Variants in BTNL9 observed in about 807,000 individuals in gnomAD.
BTNL9 encodes the protein butyrophilin like 9.
Under a neutral mutation model 45.8 loss-of-function variants are expected in BTNL9, and 45 were observed. The observed-to-expected ratio is 0.98, with a 90% CI of 0.77 to 1.26. BTNL9 has a LOEUF of 1.26. BTNL9 is among the 50% of genes most tolerant of loss of function. The pLI, the probability that BTNL9 is intolerant of heterozygous loss-of-function variation, is 0.00. For synonymous variants in BTNL9, 346 were observed against 330.8 expected, an observed-to-expected ratio of 1.05 and a Z score of -0.50; for missense variants, 784 against 729.7, an observed-to-expected ratio of 1.07 and a Z score of -0.86.
chr5:181,056,739 G>T, intron 9 of BTNL9: 1 of 622,302 alleles, frequency 1.6e-6, no homozygotes. Flanking sequence ...CAGGAAGGCA[G>T]TGTCGTTATC....
rs967775115 is a variant in BTNL9 at position 181,050,305 on chromosome 5, T to C, written c.672T>C (p.Asn224=). The C allele has an allele frequency of 1.2e-6, 2 of 1,614,116 alleles. No individual in the cohort carries two copies. Among genetic ancestry groups the C allele is most frequent in the East Asian group, 2.2e-5 (1 of 44,882 alleles). Residue 224 remains asparagine, a synonymous_variant, in exon 4 of 11, where the codon AAT becomes AAC. Transcript: ENST00000327705. The surrounding 1 kb of genome is among the most constrained non-coding windows in gnomAD (Gnocchi z 4.9). ...TTGTCCGAGCGGGAGCCCTCAGCAATGTGTCCGTCTCCATCCAGAATCTCC... is the reference window on the plus strand; with the variant it reads ...TTGTCCGAGCGGGAGCCCTCAGCAACGTGTCCGTCTCCATCCAGAATCTCC... ...SVVVRAGALS[N]VSVSIQNLLL...
Position 181,045,455 on chromosome 5 carries a change from G to C in BTNL9, c.-23-12G>C. On this transcript the variant is annotated splice_polypyrimidine_tract_variant and intron_variant, in intron 1 of 10. Transcript: ENST00000327705. ...TTGCACGTCGCTCCAGCACCCCTTT[G>C]TCCCTCTCCAGGTGGCCCCCACTGC... 2 of 1,429,406 alleles carry C rather than the reference G, an allele frequency of 1.4e-6. No homozygotes were observed. The highest frequency in any genetic ancestry group is 2.0e-6 in the Non-Finnish European group (2 of 1,012,218). The allele number at this position is 1,429,406 out of a possible 1,614,324, so 88.5% of individuals were successfully genotyped here.
Position 181,053,264 on chromosome 5 carries a change from G to C in BTNL9, c.801G>C (p.Leu267Phe), listed in dbSNP as rs2113225191. ...TCGTCGCGACCCTGCCGCTGCTGTT[G>C]GTCCTCGCGGCGCTGGCGCTGGGCG... Reference protein sequence around the residue: ...SAFVATLPLLLVLAALALGVL... With the variant: ...SAFVATLPLLFVLAALALGVL... Residue 267 changes from leucine (L) to phenylalanine (F), a missense_variant, in exon 5 of 11, where the codon TTG becomes TTC. Transcript: ENST00000327705. This position sits in a 1 kb window ranked among gnomAD's most constrained non-coding sequence, Gnocchi z 6.5. The C allele has an allele frequency of 6.3e-7, 1 of 1,588,466 alleles. No homozygotes were observed. Among genetic ancestry groups the C allele is most frequent in the East Asian group, 2.4e-5 (1 of 41,984 alleles).
Position 181,053,916 on chromosome 5 carries a change from G to A in BTNL9, c.887-323G>A. On this transcript the variant is annotated intron_variant, in intron 6 of 10. Coordinates refer to ENST00000327705, the MANE Select transcript of BTNL9 (RefSeq NM_152547.5). This position sits in a 1 kb window ranked among gnomAD's most constrained non-coding sequence, Gnocchi z 6.5. ...GCGGCGGTCAGGCACCGAGAAAACAGCCCAGTTACGTGAGGCAGTGTCCGG... is the reference window on the plus strand; with the variant it reads ...GCGGCGGTCAGGCACCGAGAAAACAACCCAGTTACGTGAGGCAGTGTCCGG... 3 of 1,511,302 alleles carry A rather than the reference G, an allele frequency of 2.0e-6. 1 individual carries two copies. In the South Asian group the frequency reaches 3.6e-5, roughly 18 times the overall value. 93.6% of individuals were successfully genotyped at this position (1,511,302 alleles called of 1,614,324 possible).
At chr5:181,048,813 AT>A (rs763544541) in intron 3 of BTNL9, among the ~76,000 whole-genome samples, 10 of 34,928 alleles carry the variant, frequency 2.9e-4, no homozygotes, top group Non-Finnish European at 4.5e-4. Flanking sequence ...ATATAATTAT[AT>A]TAGTTATATA....
chr5:181,059,891 C>CGG lies in BTNL9; in HGVS notation c.*34_*35dup, dbSNP rs33927456. 18 of 1,476,704 alleles carry CGG rather than the reference C, an allele frequency of 1.2e-5. No homozygotes were observed. The highest frequency in any genetic ancestry group is 1.4e-5 in the Non-Finnish European group (16 of 1,112,308). The allele number at this position is 1,476,704 out of a possible 1,614,324, so 91.5% of individuals were successfully genotyped here. ...GCCCTCGTGGCCGCGGGACTGGCCC[C>CGG]GGGGGGCCCCCTGGATCCCAGGCCA... On this transcript the variant is annotated 3_prime_UTR_variant, in exon 11 of 11. Coordinates refer to ENST00000327705, the MANE Select transcript of BTNL9 (RefSeq NM_152547.5).
At chr5:181,044,169 T>C (rs1485753358) in intron 1 of BTNL9, among the ~76,000 whole-genome samples, 3 of 152,172 alleles carry the variant, frequency 2.0e-5, no homozygotes, top group Non-Finnish European at 4.4e-5. Context: ...CTGGGGAGCC[T>C]CTACCACCTC....
rs1447202993 is a variant in BTNL9 at position 181,042,880 on chromosome 5, G to A, written c.-24+2448G>A. Among the ~76,000 whole-genome samples the A allele has an allele frequency of 6.6e-6, 1 of 152,062 alleles. No homozygotes were observed. Among genetic ancestry groups the A allele is most frequent in the Non-Finnish European group, 1.5e-5 (1 of 68,016 alleles). ...TCTGTGGCCAGCTGGTTCCTGAGAC[G>A]GTCATGGTTTTGGGTAACAGGAGTG... On this transcript the variant is annotated intron_variant, in intron 1 of 10. Coordinates refer to ENST00000327705, the MANE Select transcript of BTNL9 (RefSeq NM_152547.5). The surrounding 1 kb of genome is among the most constrained non-coding windows in gnomAD (Gnocchi z 4.5).
At chr5:181,058,269 CAT>C (rs1761983798) in intron 9 of BTNL9, 81 bp from the exon 10 acceptor site, 1 of 1,502,030 alleles carries the variant, frequency 6.7e-7, no homozygotes, top group Non-Finnish European at 9.3e-7. Flanking sequence ...ATGCATCCCT[CAT>C]ACATCTGGAG....
At position 181,055,015 on chromosome 5, in the gene BTNL9, G is replaced by A; in HGVS notation, c.908-418G>A. 1 of 985,466 alleles carries A rather than the reference G, an allele frequency of 1.0e-6. No individual in the cohort carries two copies. Among genetic ancestry groups the A allele is most frequent in the Non-Finnish European group, 1.2e-6 (1 of 829,944 alleles). The allele number at this position is 985,466 out of a possible 1,614,324, so 61.0% of individuals were successfully genotyped here. The stretch of plus-strand genomic sequence containing the variant: ...GGTAATTATTTGGGGAAATAATTGG[G>A]TGTGATGTCCTTCCAGTCCTTCAGA... On this transcript the variant is annotated intron_variant, in intron 7 of 10. Transcript: ENST00000327705. This position sits in a 1 kb window ranked among gnomAD's most constrained non-coding sequence, Gnocchi z 4.4.
In BTNL9 at chr5:181,059,532, C is replaced by T. The variant is rs750335354; in HGVS notation, c.1278C>T (p.Asn426=). 17 of 1,607,092 alleles carry T rather than the reference C, an allele frequency of 1.1e-5. No homozygotes were observed. In the South Asian group the frequency reaches 1.9e-4, roughly 18 times the overall value. ...GCTACTGGGTGCTGGGGCTGTGGAA[C>T]GGCTGCGAGTACTTCGTCCTGGCCC... ...AAGYWVLGLW[N]GCEYFVLAPH... Residue 426 remains asparagine, a synonymous_variant, in exon 11 of 11, where the codon AAC becomes AAT. Coordinates refer to ENST00000327705, the MANE Select transcript of BTNL9 (RefSeq NM_152547.5).
chr5:181,052,419 G>A lies in BTNL9; in HGVS notation c.737-781G>A, dbSNP rs910130030. Among the ~76,000 whole-genome samples the A allele has an allele frequency of 3.3e-5, 5 of 152,180 alleles. No individual in the cohort carries two copies. In the East Asian group the frequency reaches 9.6e-4, roughly 29 times the overall value. On this transcript the variant is annotated intron_variant, in intron 4 of 10. Coordinates refer to ENST00000327705, the MANE Select transcript of BTNL9 (RefSeq NM_152547.5). ...CGGGGGTGATGGTTGCACACGACAT[G>A]GTGAATGCACTTAATGCCCCTGAAC...
intron 1 of BTNL9, among the ~76,000 whole-genome samples, chr5:181,043,761 G>A (rs1374452336): frequency 2.6e-5 from 4 of 152,236 alleles, no homozygotes; most frequent in Non-Finnish European, 5.9e-5. Context: ...CAGAAGAGAG[G>A]GTGAGAAGGT....
Position 181,060,756 on chromosome 5 carries a change from G to C in BTNL9, c.*894G>C, listed in dbSNP as rs1277914795. On this transcript the variant is annotated 3_prime_UTR_variant, in exon 11 of 11. Transcript: ENST00000327705. ...ACCTTTACAATGGAGACATCTACCA[G>C]ATCATCCAAGTGATTAAATTTAACA... 1 of 152,152 alleles carries C rather than the reference G, an allele frequency of 6.6e-6. No homozygotes were observed. Among genetic ancestry groups the C allele is most frequent in the East Asian group, 1.9e-4 (1 of 5,188 alleles). 9.4% of individuals were successfully genotyped at this position (152,152 alleles called of 1,614,324 possible).
In BTNL9 at chr5:181,047,970, C is replaced by T. The variant is rs200656024; in HGVS notation, c.153C>T (p.Val51=). The change falls in exon 3 of 11, where the codon GTC becomes GTT. Residue 51 remains valine (V), a synonymous_variant. Transcript: ENST00000327705. The part of the protein sequence containing the change: ...LGPEYPILAL[V]GEEVEFPCHL... Reference sequence around the variant, plus strand: ...CTGAGTATCCCATCCTGGCCCTCGTCGGGGAGGAGGTGGAGTTCCCGTGCC... The same window carrying T: ...CTGAGTATCCCATCCTGGCCCTCGTTGGGGAGGAGGTGGAGTTCCCGTGCC... The T allele has an allele frequency of 3.7e-6, 6 of 1,613,824 alleles. No individual in the cohort carries two copies. Among genetic ancestry groups the T allele is most frequent in the Non-Finnish European group, 5.1e-6 (6 of 1,180,012 alleles).
rs1334193189 is a variant in BTNL9, at chr5:181,060,195, G to A, written c.*333G>A. ...GGAGAAAACTTTGGTGACTGCCTTA[G>A]AGGGATCAGTTAATTTGTATAGTTT... On this transcript the variant is annotated 3_prime_UTR_variant, in exon 11 of 11. Transcript: ENST00000327705. 1 of 327,436 alleles carries A rather than the reference G, an allele frequency of 3.1e-6. No homozygotes were observed. Among genetic ancestry groups the A allele is most frequent in the East Asian group, 4.9e-5 (1 of 20,350 alleles). The allele number at this position is 327,436 out of a possible 1,614,324, so 20.3% of individuals were successfully genotyped here. A position where few individuals can be genotyped will look rare whatever the true frequency, so the allele number is the denominator to read the frequency against.
intron 6 of BTNL9, 120 bp from the exon 7 acceptor site, chr5:181,054,119 G>A: frequency 6.4e-7 from 1 of 1,560,898 alleles, no homozygotes; most frequent in Non-Finnish European, 8.7e-7. Context: ...AGACCACCGC[G>A]GGTGGGAGTG....
intron 1 of BTNL9, among the ~76,000 whole-genome samples, chr5:181,040,986 T>C (rs1760748344): frequency 6.6e-6 from 1 of 152,234 alleles, no homozygotes; most frequent in African/African-American, 2.4e-5. Flanking sequence ...CTGTACTTTG[T>C]TACTAGAGAA....
Position 181,056,018 on chromosome 5 carries a change from G to T in BTNL9, c.955+3G>T, listed in dbSNP as rs1469938661. ...GAGACGGGCTGAAGGCCAGGCTGGTGAGTGGAACCCATCTCTCTCTGACTC... is the reference window on the plus strand; with the variant it reads ...GAGACGGGCTGAAGGCCAGGCTGGTTAGTGGAACCCATCTCTCTCTGACTC... On this transcript the variant is annotated splice_donor_region_variant and intron_variant, in intron 9 of 10. Transcript: ENST00000327705. 3 of 1,614,154 alleles carry T rather than the reference G, an allele frequency of 1.9e-6. No individual in the cohort carries two copies. Among genetic ancestry groups the T allele is most frequent in the East Asian group, 4.5e-5 (2 of 44,886 alleles).
Sources: allele counts gnomAD v4.1 joint callset (sites outside exome capture counted in the v4.1 genomes callset), GRCh38; gene constraint gnomAD v4.1.1; non-coding constraint Gnocchi (gnomAD v3.1); transcripts MANE v1.5; gene names NCBI Gene and HGNC (gene_info 2026-07-23, HGNC 2026-07-21).